Variants in ANLN observed in about 807,000 individuals in gnomAD.
ANLN encodes the protein anillin.
A neutral mutation model predicts 135.1 loss-of-function variants in ANLN; 59 were observed. The ratio of observed to expected loss-of-function variants is 0.44; its 90% confidence interval spans 0.35 to 0.54. The LOEUF (loss-of-function observed/expected upper bound fraction) is 0.54, where lower values mean the gene tolerates loss of function less well. Ranked by LOEUF, ANLN falls within the 20% of genes least tolerant of loss-of-function variation. The pLI is 0.00. For synonymous variants in ANLN, 406 were observed against 456.4 expected (o/e 0.89, Z 1.41); for missense variants, 1,182 against 1,340.0 (o/e 0.88, Z 1.84).
chr7:36,400,070 G>A (rs1341832421), intron 3 of ANLN, among the ~76,000 whole-genome samples: 3 of 151,992 alleles, frequency 2.0e-5, no homozygotes, highest in Non-Finnish European at 2.9e-5. Context: ...GAGAAAATAC[G>A]GGAAGGGAAA....
At position 36,452,617 on chromosome 7, in the gene ANLN, G is replaced by C. The variant is rs763876476; in HGVS notation, c.*17G>C. The C allele has an allele frequency of 9.9e-6, 16 of 1,613,498 alleles. No individual in the cohort carries two copies. The highest frequency in any genetic ancestry group is 1.4e-5 in the Non-Finnish European group (16 of 1,179,674). ...AAGCCTTAAACCGGGAAATTTCCAT[G>C]CTATCTAGAGGTTTTTGATGTCATC... is the stretch of plus-strand genomic sequence containing the variant. On this transcript the variant is annotated 3_prime_UTR_variant, in exon 24 of 24. Coordinates refer to ENST00000265748, the MANE Select transcript of ANLN (RefSeq NM_018685.5).
At chr7:36,400,552 T>G (rs1260426177) in intron 3 of ANLN, among the ~76,000 whole-genome samples, 1 of 151,982 alleles carries the variant, frequency 6.6e-6, no homozygotes, top group Non-Finnish European at 1.5e-5. Context: ...TTGGTAGAGA[T>G]GGAGTTGCAC....
intron 1 of ANLN, among the ~76,000 whole-genome samples, chr7:36,390,843 A>T (rs1358121588): frequency 6.6e-6 from 1 of 152,034 alleles, no homozygotes; most frequent in East Asian, 1.9e-4. Flanking sequence ...GCGTTGTCAC[A>T]TTCAGGAGTG....
chr7:36,417,659 G>A lies in ANLN; in HGVS notation c.1633+469G>A, dbSNP rs923620099. Among the ~76,000 whole-genome samples the A allele has an allele frequency of 1.5e-3, 218 of 149,960 alleles. 1 individual carries two copies. Among genetic ancestry groups the A allele is most frequent in the Non-Finnish European group, 2.1e-3 (142 of 67,694 alleles). The stretch of plus-strand genomic sequence containing the variant: ...GATACCAGTTGCAAGTGCAAGTCCA[G>A]GCCTCTCAAACTTCCTTTTTTTTTT... On this transcript the variant is annotated intron_variant, in intron 9 of 23. Coordinates refer to ENST00000265748, the MANE Select transcript of ANLN (RefSeq NM_018685.5).
At chr7:36,418,625 A>G (rs1257877966) in intron 9 of ANLN, among the ~76,000 whole-genome samples, 1 of 152,170 alleles carries the variant, frequency 6.6e-6, no homozygotes, top group Non-Finnish European at 1.5e-5. Context: ...ATTTGAGAGA[A>G]TATTTTTTGA....
chr7:36,445,863 A>G (rs955453272), intron 22 of ANLN, among the ~76,000 whole-genome samples: 2 of 152,250 alleles, frequency 1.3e-5, no homozygotes, highest in African/African-American at 4.8e-5. Flanking sequence ...TCAGCTTTTC[A>G]TATTCCCACC....
intron 2 of ANLN, among the ~76,000 whole-genome samples, chr7:36,397,105 G>A (rs1051371749): frequency 2.6e-5 from 4 of 151,818 alleles, no homozygotes; most frequent in Non-Finnish European, 5.9e-5. Context: ...TAATACAACT[G>A]TAAAATAAAA....
At chr7:36,402,538 A>G (rs1289482060) in intron 3 of ANLN, among the ~76,000 whole-genome samples, 1 of 152,062 alleles carries the variant, frequency 6.6e-6, no homozygotes, top group East Asian at 1.9e-4. Context: ...TTCTGCTTTA[A>G]ACTCTCCCAG....
intron 6 of ANLN, among the ~76,000 whole-genome samples, 155 bp downstream of exon 6, chr7:36,410,859 T>C (rs936656181): frequency 1.4e-4 from 22 of 152,160 alleles, no homozygotes; most frequent in Admixed American, 1.4e-3. Context: ...ACATTCAGGG[T>C]GGTATGGCCG....
At chr7:36,425,170 C>G (rs1788029679) in intron 17 of ANLN, among the ~76,000 whole-genome samples, 2 of 151,048 alleles carry the variant, frequency 1.3e-5, no homozygotes, top group South Asian at 4.2e-4. Context: ...TTTTTTAGCT[C>G]TAACAAAAAA....
intron 20 of ANLN, chr7:36,428,286 C>T (rs1462051944): frequency 2.4e-6 from 3 of 1,235,950 alleles, no homozygotes; most frequent in African/African-American, 1.6e-5. Flanking sequence ...TTTTCTCTGT[C>T]TCTTATTTTG....
At chr7:36,428,289 T>A in intron 20 of ANLN, 1 of 1,250,014 alleles carries the variant, frequency 8.0e-7, no homozygotes, top group Non-Finnish European at 1.0e-6. Context: ...TCTCTGTCTC[T>A]TATTTTGTCT....
intron 20 of ANLN, among the ~76,000 whole-genome samples, chr7:36,433,139 CTTTTATAT>C (rs1788398492): frequency 6.6e-6 from 1 of 152,084 alleles, no homozygotes; most frequent in Non-Finnish European, 1.5e-5. Context: ...TTAAAAGAAA[CTTTTATAT>C]TTTTATAAAC....
intron 22 of ANLN, among the ~76,000 whole-genome samples, chr7:36,444,179 A>G (rs774349161): frequency 1.3e-5 from 2 of 151,926 alleles, no homozygotes; most frequent in Non-Finnish European, 2.9e-5. Context: ...AATCCCAGCT[A>G]CTCAGGAGGC....
intron 15 of ANLN, 52 bp from the exon 16 acceptor site, chr7:36,424,493 G>T: frequency 7.2e-7 from 1 of 1,383,340 alleles, no homozygotes; most frequent in Non-Finnish European, 1.0e-6. Flanking sequence ...CATTTTTAAT[G>T]GTGTGATTGA....
At chr7:36,435,384 G>A (rs1021297263) in intron 20 of ANLN, among the ~76,000 whole-genome samples, 4 of 132,264 alleles carry the variant, frequency 3.0e-5, no homozygotes, top group Non-Finnish European at 6.7e-5. Context: ...AATAGAGATG[G>A]TGGGGGGGGG....
chr7:36,406,463 C>T lies in ANLN; in HGVS notation c.770C>T (p.Ala257Val), dbSNP rs1196222840. The T allele has an allele frequency of 6.2e-7, 1 of 1,609,752 alleles. No individual in the cohort carries two copies. The highest frequency in any genetic ancestry group is 1.3e-5 in the African/African-American group (1 of 74,856). The change falls in exon 4 of 24, where the codon GCT becomes GTT. Residue 257 changes from alanine to valine, a missense_variant. Ala to Val is a moderately conservative substitution (Grantham distance 64). Transcript: ENST00000265748. The stretch of plus-strand genomic sequence containing the variant: ...AATAGCAGCAGTGTTAAGCAGGAAG[C>T]TACATTCTGTTCCCAAAGGGATGGC... ...RINSSSVKQEATFCSQRDGDA... is the reference protein window; with the variant it reads ...RINSSSVKQEVTFCSQRDGDA...
At chr7:36,391,808 C>A (rs913093967) in intron 1 of ANLN, among the ~76,000 whole-genome samples, 4 of 152,188 alleles carry the variant, frequency 2.6e-5, no homozygotes, top group African/African-American at 9.7e-5. Flanking sequence ...ATCATATTAA[C>A]GCCAGCGTAT....
chr7:36,447,459 C>T (rs948817595), intron 22 of ANLN, among the ~76,000 whole-genome samples: 6 of 138,442 alleles, frequency 4.3e-5, no homozygotes, highest in African/African-American at 8.0e-5. Flanking sequence ...GAGTCTCGCT[C>T]TGTCGCCCAG....
Sources: allele counts gnomAD v4.1 joint callset (sites outside exome capture counted in the v4.1 genomes callset), GRCh38; gene constraint gnomAD v4.1.1; transcripts MANE v1.5; gene names NCBI Gene and HGNC (gene_info 2026-07-23, HGNC 2026-07-21).